LRRTM4: variants seen among roughly 807,000 people sequenced by gnomAD.
LRRTM4 encodes leucine-rich repeat transmembrane neuronal protein 4.
A neutral mutation model predicts 47.6 loss-of-function variants in LRRTM4; 25 were observed. That is an observed-to-expected ratio of 0.53 (90% CI 0.38 to 0.73). The LOEUF (loss-of-function observed/expected upper bound fraction) is 0.73. LRRTM4 is among the 30% of genes least tolerant of loss of function. The probability of loss-of-function intolerance (pLI) is 0.00; values close to 1 mark genes in which losing one functional copy is unlikely to be tolerated. For synonymous variants in LRRTM4, 311 were observed against 269.5 expected, an observed-to-expected ratio of 1.15 and a Z score of -1.51; for missense variants, 638 against 713.4, an observed-to-expected ratio of 0.89 and a Z score of 1.20.
chr2:77,203,273 G>A (rs778568727), intron 3 of LRRTM4, among the ~76,000 whole-genome samples: 1 of 152,014 alleles, frequency 6.6e-6, no homozygotes, highest in Non-Finnish European at 1.5e-5. Context: ...GAATAGACGG[G>A]TCCCTAAACG....
intron 3 of LRRTM4, among the ~76,000 whole-genome samples, chr2:77,217,768 C>T (rs958863282): frequency 6.6e-5 from 10 of 151,854 alleles, no homozygotes; most frequent in African/African-American, 2.4e-4. Context: ...TAGTTTTTGC[C>T]AATCTCATTT....
At chr2:77,020,366 CT>C (rs1475891846) in intron 3 of LRRTM4, among the ~76,000 whole-genome samples, 1 of 151,972 alleles carries the variant, frequency 6.6e-6, no homozygotes, top group East Asian at 1.9e-4. Flanking sequence ...GTAATTGTGG[CT>C]TTTGACATTA....
chr2:77,232,313 T>G (rs1558645382), intron 3 of LRRTM4, among the ~76,000 whole-genome samples: 1 of 152,342 alleles, frequency 6.6e-6, no homozygotes, highest in South Asian at 2.1e-4. Context: ...AGATTCATTA[T>G]TTATACAACA....
intron 3 of LRRTM4, among the ~76,000 whole-genome samples, chr2:77,047,172 T>G (rs1558548129): frequency 6.6e-6 from 1 of 152,046 alleles, no homozygotes; most frequent in East Asian, 1.9e-4. Flanking sequence ...GTTTCAAACA[T>G]AACATTGATT....
chr2:77,287,396 T>G (rs1676694916), intron 3 of LRRTM4, among the ~76,000 whole-genome samples: 1 of 151,594 alleles, frequency 6.6e-6, no homozygotes. Flanking sequence ...AAATTTAAAA[T>G]ATATATTATA....
chr2:76,835,341 G>A (rs1045693305), intron 3 of LRRTM4, among the ~76,000 whole-genome samples: 2 of 152,070 alleles, frequency 1.3e-5, no homozygotes, highest in Admixed American at 1.3e-4. Context: ...TTTATAAGGT[G>A]AGAAACATCA....
At chr2:77,279,141 A>G (rs1405733788) in intron 3 of LRRTM4, among the ~76,000 whole-genome samples, 3 of 152,010 alleles carry the variant, frequency 2.0e-5, no homozygotes, top group Admixed American at 6.6e-5. Context: ...CATCTTACTC[A>G]TGGGATCAAC....
At chr2:77,339,138 C>T (rs1671276216) in intron 3 of LRRTM4, among the ~76,000 whole-genome samples, 2 of 151,776 alleles carry the variant, frequency 1.3e-5, no homozygotes, top group South Asian at 2.1e-4. Context: ...AAAAACCTAC[C>T]TTTTGAGTAC....
chr2:77,494,772 T>C (rs1678298546), intron 3 of LRRTM4, among the ~76,000 whole-genome samples: 1 of 152,128 alleles, frequency 6.6e-6, no homozygotes, highest in Non-Finnish European at 1.5e-5. Flanking sequence ...CTCACAAGTT[T>C]CGTTGTTCCC....
rs138905032 is a variant in LRRTM4 at position 77,360,476 on chromosome 2, TGATACGATACGATACGATACGATAC to T, written c.1551+157817_1551+157841del. On this transcript the variant is annotated intron_variant, in intron 3 of 3. Transcript: ENST00000409884. ...CCATCTCAAAAAATACAATACGATA[TGATACGATACGATACGATACGATAC>T]GATACGATACGATACGATACGATAC... 4.6e-4 allele frequency among the ~76,000 whole-genome samples: 57 copies of T among 123,286 alleles called. No homozygotes were observed. In the East Asian group the frequency reaches 6.5e-3, roughly 14 times the overall value. The allele number at this position is 123,286 out of a possible 152,430, so 80.9% of individuals were successfully genotyped here. A position where few individuals can be genotyped will look rare whatever the true frequency, so the allele number is the denominator to read the frequency against.
chr2:77,405,834 C>T (rs1180046936), intron 3 of LRRTM4, among the ~76,000 whole-genome samples: 1 of 152,106 alleles, frequency 6.6e-6, no homozygotes, highest in Non-Finnish European at 1.5e-5. Context: ...TGTCCTTATA[C>T]TCTTCTCATT....
At chr2:76,855,654 G>C (rs1672127485) in intron 3 of LRRTM4, among the ~76,000 whole-genome samples, 1 of 152,214 alleles carries the variant, frequency 6.6e-6, no homozygotes, top group East Asian at 1.9e-4. Flanking sequence ...TGCTAAAAAT[G>C]TAAAAATATT....
chr2:76,938,366 T>C (rs2103854395), intron 3 of LRRTM4, among the ~76,000 whole-genome samples: 1 of 150,186 alleles, frequency 6.7e-6, no homozygotes, highest in East Asian at 2.3e-4. Flanking sequence ...TGATGTATTT[T>C]CATTTTGAAG....
chr2:77,292,657 T>G (rs1016611309), intron 3 of LRRTM4, among the ~76,000 whole-genome samples: 1 of 125,482 alleles, frequency 8.0e-6, no homozygotes, highest in Non-Finnish European at 1.6e-5. Context: ...TGAGAACACA[T>G]GGACACAGGA....
intron 3 of LRRTM4, among the ~76,000 whole-genome samples, chr2:77,338,886 T>C (rs1037145900): frequency 2.0e-5 from 3 of 152,054 alleles, no homozygotes; most frequent in African/African-American, 7.2e-5. Context: ...GAAGAAAATG[T>C]GCTACATATT....
At chr2:77,408,313 A>C (rs973829899) in intron 3 of LRRTM4, among the ~76,000 whole-genome samples, 1 of 152,116 alleles carries the variant, frequency 6.6e-6, no homozygotes, top group Non-Finnish European at 1.5e-5. Context: ...TCTGCTATCT[A>C]ATTTAGTAAT....
intron 3 of LRRTM4, among the ~76,000 whole-genome samples, chr2:77,150,508 GA>G (rs1376880020): frequency 6.6e-6 from 1 of 152,136 alleles, no homozygotes; most frequent in Non-Finnish European, 1.5e-5. Flanking sequence ...GAAAGGTCCA[GA>G]AGCCCTCATT....
At chr2:76,791,360 A>G (rs949636925) in intron 3 of LRRTM4, among the ~76,000 whole-genome samples, 2 of 152,056 alleles carry the variant, frequency 1.3e-5, no homozygotes, top group Non-Finnish European at 2.9e-5. Context: ...AGATTTGTAG[A>G]TTTGAAACTC....
chr2:76,999,127 G>A (rs556584794), intron 3 of LRRTM4, among the ~76,000 whole-genome samples: 4 of 151,794 alleles, frequency 2.6e-5, no homozygotes, highest in African/African-American at 9.7e-5. Context: ...GTGCATCATG[G>A]ATCTGTTTGT....
Sources: gnomAD v4.1 joint callset for allele counts (sites outside exome capture counted in the v4.1 genomes callset) on GRCh38, gnomAD v4.1.1 for gene constraint, MANE v1.5 for transcripts, NCBI Gene and HGNC (gene_info 2026-07-23, HGNC 2026-07-21) for gene names.